Variants in MT1G observed in about 807,000 individuals in gnomAD.
The protein encoded by MT1G is metallothionein-1G.
In MT1G, 8 loss-of-function variants were observed where a neutral mutation model predicts 9.1. The ratio of observed to expected loss-of-function variants is 0.87; its 90% CI spans 0.51 to 1.58. The LOEUF (loss-of-function observed/expected upper bound fraction) is 1.58. Among genes scored for constraint, MT1G ranks in the 40% most tolerant of loss-of-function variants. MT1G has a pLI of 0.00. For missense variants in MT1G, 79 were observed against 77.3 expected (o/e 1.02, Z -0.08); for synonymous variants, 31 against 28.4 (o/e 1.09, Z -0.29).
chr16:56,667,095 T>C (rs747149033), intron 2 of MT1G, 125 bp from the exon 3 acceptor site: 240 of 1,573,098 alleles, frequency 1.5e-4, no homozygotes, highest in Admixed American at 1.4e-4. Flanking sequence ...ATGGTTTTTG[T>C]CAGGAGACAA....
intron 2 of MT1G, 38 bp from the exon 3 acceptor site, chr16:56,667,008 C>G (rs768383853): frequency 1.4e-5 from 22 of 1,611,636 alleles, no homozygotes; most frequent in Non-Finnish European, 1.9e-5. Context: ...AGAGCAGACT[C>G]GATCAGAGAA....
chr16:56,668,038 G>A lies in MT1G; in HGVS notation c.-45C>T, dbSNP rs753634691. On this transcript the variant is annotated 5_prime_UTR_variant, in exon 1 of 3. Coordinates refer to ENST00000379811, the MANE Select transcript of MT1G (RefSeq NM_001301267.2). The stretch of plus-strand genomic sequence containing the variant: ...AGAGTTCCCAAGCGAGAAGGGAAGA[G>A]GCAGTGGGTGCACGTGGAAGGCGGA... 11 of 1,606,488 alleles carry A rather than the reference G, an allele frequency of 6.8e-6. No individual in the cohort carries two copies. Among genetic ancestry groups the A allele is most frequent in the East Asian group, 2.2e-5 (1 of 44,758 alleles).
intron 1 of MT1G, among the ~76,000 whole-genome samples, chr16:56,667,621 T>A (rs1355841931): frequency 2.0e-5 from 3 of 152,082 alleles, no homozygotes; most frequent in Non-Finnish European, 2.9e-5. Flanking sequence ...ACTTCGACTT[T>A]CTGTCCTGAA....
intron 2 of MT1G, 122 bp downstream of exon 2, chr16:56,667,190 A>G: frequency 1.3e-6 from 2 of 1,583,502 alleles, no homozygotes; most frequent in Non-Finnish European, 1.7e-6. Flanking sequence ...CTAGACAGGC[A>G]GTGACAACCT....
At chr16:56,667,875 T>G in intron 1 of MT1G, 91 bp downstream of exon 1, 1 of 1,487,030 alleles carries the variant, frequency 6.7e-7, no homozygotes, top group African/African-American at 1.4e-5. Flanking sequence ...TTACCTCTGA[T>G]AGCAAAATAC....
chr16:56,667,662 A>G (rs1162672628), intron 1 of MT1G, among the ~76,000 whole-genome samples: 3 of 151,438 alleles, frequency 2.0e-5, no homozygotes, highest in African/African-American at 7.3e-5. Context: ...CTCCTATCCA[A>G]TGTCTCCTAT....
intron 1 of MT1G, among the ~76,000 whole-genome samples, 187 bp from the exon 2 acceptor site, chr16:56,667,567 CT>C (rs1960802931): frequency 6.6e-6 from 1 of 152,204 alleles, no homozygotes; most frequent in Non-Finnish European, 1.5e-5. Flanking sequence ...CCTCCTATTT[CT>C]ACTCCAAAGG....
At position 56,666,963 on chromosome 16, in the gene MT1G, G is replaced by A; in HGVS notation, c.105C>T (p.Cys35=). The A allele has an allele frequency of 1.9e-6, 3 of 1,614,102 alleles. No homozygotes were observed. The highest frequency in any genetic ancestry group is 1.3e-5 in the African/African-American group (1 of 75,054). ...TGGCACAGCCCACAGGGCAGCAGGA[G>A]CAGCAGCCTGGGGAGGAAAGGAGAT... is the stretch of plus-strand genomic sequence containing the variant. The part of the protein sequence containing the change: ...CKCTSCKKSC[C]SCCPVGCAKC... The change falls in exon 3 of 3, where the codon TGC becomes TGT. Residue 35 remains cysteine, a synonymous_variant. Coordinates refer to ENST00000379811, the MANE Select transcript of MT1G (RefSeq NM_001301267.2).
rs143353850 is a variant in MT1G, at chr16:56,666,884, C to A, written c.184G>T (p.Ala62Ser). Residue 62 changes from alanine (A) to serine (S), a missense_variant, in exon 3 of 3, where the codon GCC (alanine) becomes TCC (serine). Transcript: ENST00000379811. Reference sequence around the variant, plus strand: ...GGAGCAGGGCTGTCCCGACATCAGGCGCAGCAGCTGCACTTCTCCGATGCC... The same window carrying A: ...GGAGCAGGGCTGTCCCGACATCAGGAGCAGCAGCTGCACTTCTCCGATGCC... ...KGASEKCSCC[A>S] The A allele has an allele frequency of 1.9e-6, 3 of 1,614,124 alleles. No individual in the cohort carries two copies. Among genetic ancestry groups the A allele is most frequent in the Admixed American group, 1.7e-5 (1 of 60,008 alleles).
intron 1 of MT1G, 150 bp downstream of exon 1, chr16:56,667,816 T>C: frequency 1.1e-6 from 1 of 932,778 alleles, no homozygotes. Flanking sequence ...GAAAATGCCC[T>C]CAGGAGCTTG....
chr16:56,667,653 T>A (rs1161725392), intron 1 of MT1G, among the ~76,000 whole-genome samples: 1 of 151,492 alleles, frequency 6.6e-6, no homozygotes, highest in Non-Finnish European at 1.5e-5. Flanking sequence ...CAATGTCCCC[T>A]CCTATCCAAT....
chr16:56,666,853 T>A lies in MT1G; in HGVS notation c.*26A>T, dbSNP rs1960784138. On this transcript the variant is annotated 3_prime_UTR_variant, in exon 3 of 3. Transcript: ENST00000379811. The stretch of plus-strand genomic sequence containing the variant: ...TGGATTTTACGGGTCACTCTATTTG[T>A]ACTTGGGAGCAGGGCTGTCCCGACA... 6.2e-7 allele frequency: 1 copy of A among 1,612,824 alleles called. No individual in the cohort carries two copies.
At position 56,666,837 on chromosome 16, in the gene MT1G, C is replaced by T. The variant is rs139326927; in HGVS notation, c.*42G>A. 6.1e-3 allele frequency: 9,742 copies of T among 1,597,730 alleles called. 45 individuals are homozygous for T. Among genetic ancestry groups the T allele is most frequent in the Non-Finnish European group, 7.0e-3 (8,173 of 1,173,928 alleles). ...AAAAAACAAAAAATCCTGGATTTTA[C>T]GGGTCACTCTATTTGTACTTGGGAG... On this transcript the variant is annotated 3_prime_UTR_variant, in exon 3 of 3. Coordinates refer to ENST00000379811, the MANE Select transcript of MT1G (RefSeq NM_001301267.2).
rs375132321 is a variant in MT1G, at chr16:56,666,903, C to A, written c.165G>T (p.Ser55=). The change falls in exon 3 of 3, where the codon TCG becomes TCT. Residue 55 remains serine (S), a synonymous_variant. Transcript: ENST00000379811. The part of the protein sequence containing the change: ...CAQGCICKGA[S]EKCSCCA ...ATCAGGCGCAGCAGCTGCACTTCTC[C>A]GATGCCCCTTTGCAGATGCAGCCCT... 2 of 1,614,108 alleles carry A rather than the reference C, an allele frequency of 1.2e-6. No homozygotes were observed. The highest frequency in any genetic ancestry group is 1.7e-6 in the Non-Finnish European group (2 of 1,179,966).
intron 2 of MT1G, 61 bp from the exon 3 acceptor site, chr16:56,667,031 A>G (rs1567353693): frequency 6.2e-7 from 1 of 1,608,438 alleles, no homozygotes; most frequent in Non-Finnish European, 8.5e-7. Context: ...CCCTGCCCCA[A>G]CAGAGGCCTG....
At chr16:56,666,994 G>C (rs1216386524) in intron 2 of MT1G, 24 bp from the exon 3 acceptor site, 2 of 1,613,472 alleles carry the variant, frequency 1.2e-6, no homozygotes, top group Non-Finnish European at 8.5e-7. Context: ...GAGATTGAGA[G>C]GTCAGAGCAG....
At chr16:56,667,519 C>G in intron 1 of MT1G, 139 bp from the exon 2 acceptor site, 1 of 1,217,108 alleles carries the variant, frequency 8.2e-7, no homozygotes, top group Non-Finnish European at 1.1e-6. Flanking sequence ...GAAGAGAAGC[C>G]CCATGTCCTC....
intron 1 of MT1G, 113 bp from the exon 2 acceptor site, chr16:56,667,493 C>G (rs1256222235): frequency 6.2e-6 from 9 of 1,442,584 alleles, no homozygotes; most frequent in Non-Finnish European, 8.6e-6. Context: ...GAGCTCCTTT[C>G]CCACTCAGAG....
intron 2 of MT1G, 152 bp from the exon 3 acceptor site, chr16:56,667,122 T>C: frequency 6.4e-7 from 1 of 1,552,548 alleles, no homozygotes; most frequent in Non-Finnish European, 8.8e-7. Context: ...GACATTGGAA[T>C]GGGTCTTCCT....
Sources: allele counts gnomAD v4.1 joint callset (sites outside exome capture counted in the v4.1 genomes callset), GRCh38; gene constraint gnomAD v4.1.1; transcripts MANE v1.5; gene names NCBI Gene and HGNC (gene_info 2026-07-23, HGNC 2026-07-21).